The following MYRIP variants were observed in gnomAD, a reference collection of about 807,000 sequenced individuals.
The protein encoded by MYRIP is myosin VIIA and Rab interacting protein, also known as rab effector MyRIP.
MYRIP carries 49 observed loss-of-function variants against 98.0 expected under a neutral mutation model. The observed-to-expected ratio is 0.50, with a 90% CI of 0.40 to 0.63. The LOEUF is 0.63. MYRIP is among the 30% of genes least tolerant of loss of function. The pLI is 0.00. For synonymous variants in MYRIP, 404 were observed against 409.5 expected, an observed-to-expected ratio of 0.99 and a Z score of 0.16; for missense variants, 1,004 against 1,058.2, an observed-to-expected ratio of 0.95 and a Z score of 0.71.
At chr3:40,236,661 G>A (rs1467356743) in intron 12 of MYRIP, among the ~76,000 whole-genome samples, 1 of 152,206 alleles carries the variant, frequency 6.6e-6, no homozygotes, top group Non-Finnish European at 1.5e-5. Flanking sequence ...CCAGACCAAG[G>A]GTGACACTGA....
At chr3:40,133,361 G>A (rs1949685903) in intron 3 of MYRIP, among the ~76,000 whole-genome samples, 1 of 152,220 alleles carries the variant, frequency 6.6e-6, no homozygotes, top group Non-Finnish European at 1.5e-5. Context: ...GAGGCCTGAT[G>A]TAATAAGACA....
chr3:40,064,015 ATAAAG>A (rs202177862), intron 3 of MYRIP, among the ~76,000 whole-genome samples: 2,403 of 152,246 alleles, frequency 0.016, 26 homozygotes, highest in African/African-American at 0.03. Context: ...GGCAGGCTAT[ATAAAG>A]TAAAGAGCAA....
intron 3 of MYRIP, among the ~76,000 whole-genome samples, chr3:40,129,894 C>A (rs13353518): frequency 7.2e-5 from 11 of 152,124 alleles, no homozygotes; most frequent in Non-Finnish European, 1.6e-4. Flanking sequence ...TATGTGATTC[C>A]GATCTGTCTT....
chr3:39,887,597 A>G (rs560997547), intron 1 of MYRIP, among the ~76,000 whole-genome samples: 3 of 152,276 alleles, frequency 2.0e-5, no homozygotes, highest in African/African-American at 7.2e-5. Context: ...AACTGGAAGC[A>G]TTCCCTTTGA....
intron 1 of MYRIP, among the ~76,000 whole-genome samples, chr3:39,897,532 G>A (rs1242361749): frequency 8.5e-5 from 13 of 152,212 alleles, no homozygotes; most frequent in Non-Finnish European, 1.8e-4. Flanking sequence ...CACCGGTCTG[G>A]AAGTTAGGAG....
chr3:39,925,507 G>C (rs6795251), intron 2 of MYRIP, among the ~76,000 whole-genome samples: 10,303 of 151,888 alleles, frequency 0.068, 629 homozygotes, highest in East Asian at 0.25. Flanking sequence ...GTACTCCCCA[G>C]TGTCTATTGT....
chr3:40,252,011 C>A lies in MYRIP; in HGVS notation c.2547+12C>A. On this transcript the variant is annotated intron_variant, in intron 16 of 16. Coordinates refer to ENST00000302541, the MANE Select transcript of MYRIP (RefSeq NM_015460.4). ...CCAAGGATTTGATGGTAAATGTCAT[C>A]TCTGTCTTAATGTTCAACGCTTTCA... The A allele has an allele frequency of 6.4e-7, 1 of 1,572,438 alleles. No individual in the cohort carries two copies. Among genetic ancestry groups the A allele is most frequent in the Non-Finnish European group, 8.8e-7 (1 of 1,142,264 alleles).
At chr3:40,160,793 G>C (rs1323723479) in intron 4 of MYRIP, among the ~76,000 whole-genome samples, 2 of 152,126 alleles carry the variant, frequency 1.3e-5, no homozygotes, top group East Asian at 1.9e-4. Context: ...CCCTTTCTTT[G>C]ACTAGGAAAG....
chr3:39,813,083 G>C (rs145997950), intron 1 of MYRIP, among the ~76,000 whole-genome samples: 47 of 152,284 alleles, frequency 3.1e-4, no homozygotes, highest in Non-Finnish European at 6.2e-4. Flanking sequence ...AGCAAGCTTT[G>C]GTCGCCTCAT....
chr3:40,118,927 G>A, intron 3 of MYRIP, among the ~76,000 whole-genome samples: 1 of 151,852 alleles, frequency 6.6e-6, no homozygotes, highest in Non-Finnish European at 1.5e-5. Flanking sequence ...TTTTATGGCT[G>A]CATAGTATTC....
Position 40,084,166 on chromosome 3 carries a change from A to T in MYRIP, c.332+39895A>T, listed in dbSNP as rs531386260. On this transcript the variant is annotated intron_variant, in intron 3 of 16. Transcript: ENST00000302541. ...AAAAAAAAAAAAAAAAAAAAAAAAG[A>T]CATTCTCAGAAGAAGGAAAACTAAA... Among the ~76,000 whole-genome samples, 152 of 111,564 alleles carry T rather than the reference A, an allele frequency of 1.4e-3. 1 individual carries two copies. In the South Asian group the frequency reaches 0.039, roughly 29 times the overall value. 73.2% of individuals were successfully genotyped at this position (111,564 alleles called of 152,430 possible).
At chr3:40,185,358 A>G (rs1279407747) in intron 9 of MYRIP, among the ~76,000 whole-genome samples, 1 of 152,088 alleles carries the variant, frequency 6.6e-6, no homozygotes, top group Non-Finnish European at 1.5e-5. Context: ...GCGTGTGTTC[A>G]GTGTTGGGGA....
chr3:40,235,009 A>G (rs943338138), intron 12 of MYRIP, among the ~76,000 whole-genome samples: 14 of 151,958 alleles, frequency 9.2e-5, no homozygotes, highest in Non-Finnish European at 1.9e-4. Flanking sequence ...AAAAAAAAAA[A>G]AAGATACCAA....
Position 40,218,612 on chromosome 3 carries a change from TTATATATATA to T in MYRIP, c.1905+8554_1905+8563del, listed in dbSNP as rs751894190. ...ACACACACACACATATATATATATT[TTATATATATA>T]TATATATATATATATATATATATAT... On this transcript the variant is annotated intron_variant, in intron 11 of 16. Coordinates refer to ENST00000302541, the MANE Select transcript of MYRIP (RefSeq NM_015460.4). Among the ~76,000 whole-genome samples, 13 of 13,554 alleles carry T rather than the reference TTATATATATA, an allele frequency of 9.6e-4. 1 individual carries two copies. Among genetic ancestry groups the T allele is most frequent in the African/African-American group, 1.5e-3 (12 of 7,946 alleles). The allele number at this position is 13,554 out of a possible 152,430, so 8.9% of individuals were successfully genotyped here.
chr3:39,942,870 G>A (rs961201731), intron 2 of MYRIP, among the ~76,000 whole-genome samples: 3 of 151,908 alleles, frequency 2.0e-5, no homozygotes, highest in Non-Finnish European at 4.4e-5. Flanking sequence ...TATGAAATTC[G>A]CTTTTTAAAC....
At position 40,126,922 on chromosome 3, in the gene MYRIP, C is replaced by A. The variant is rs77815935; in HGVS notation, c.333-24126C>A. ...AGGTGACAGACCCAGTTGGAAAGTT[C>A]TCTGCAGACCTCAGCAGGCAGGAGA... On this transcript the variant is annotated intron_variant, in intron 3 of 16. Coordinates refer to ENST00000302541, the MANE Select transcript of MYRIP (RefSeq NM_015460.4). Among the ~76,000 whole-genome samples the A allele has an allele frequency of 2.8e-3, 420 of 152,302 alleles. 3 individuals carry two copies. Among genetic ancestry groups the A allele is most frequent in the African/African-American group, 9.8e-3 (407 of 41,564 alleles).
At chr3:40,217,140 A>T (rs1028666136) in intron 11 of MYRIP, among the ~76,000 whole-genome samples, 1 of 152,214 alleles carries the variant, frequency 6.6e-6, no homozygotes, top group African/African-American at 2.4e-5. Flanking sequence ...GAAAGAAGCT[A>T]GTCTCAGGTA....
chr3:39,889,894 GA>G (rs1943438612), intron 1 of MYRIP, among the ~76,000 whole-genome samples: 1 of 151,734 alleles, frequency 6.6e-6, no homozygotes, highest in Non-Finnish European at 1.5e-5. Context: ...TTTAGTCTTT[GA>G]CACTATAACC....
At chr3:39,949,427 C>T (rs916077131) in intron 2 of MYRIP, among the ~76,000 whole-genome samples, 1 of 152,000 alleles carries the variant, frequency 6.6e-6, no homozygotes, top group African/African-American at 2.4e-5. Context: ...GTTGAATCAC[C>T]TCAATTTTTT....
Sources: allele counts gnomAD v4.1 joint callset (sites outside exome capture counted in the v4.1 genomes callset), GRCh38; gene constraint gnomAD v4.1.1; transcripts MANE v1.5; gene names NCBI Gene and HGNC (gene_info 2026-07-23, HGNC 2026-07-21).